CMTM8: variants seen among roughly 807,000 people sequenced by gnomAD.
CMTM8 encodes the protein CKLF-like MARVEL transmembrane domain-containing protein 8.
Under a neutral mutation model 18.6 loss-of-function variants are expected in CMTM8, and 12 were observed. The observed-to-expected ratio is 0.65, with a 90% confidence interval of 0.41 to 1.05. The LOEUF is 1.05. Among genes scored for constraint, CMTM8 ranks in the 50% least tolerant of loss-of-function variants. The pLI, the probability that CMTM8 is intolerant of heterozygous loss-of-function variation, is 0.00. For missense variants in CMTM8, 217 were observed against 227.2 expected, an observed-to-expected ratio of 0.95 and a Z score of 0.29; for synonymous variants, 87 against 90.6, an observed-to-expected ratio of 0.96 and a Z score of 0.23.
chr3:32,276,376 T>G (rs992288843), intron 1 of CMTM8, among the ~76,000 whole-genome samples: 1 of 152,160 alleles, frequency 6.6e-6, no homozygotes, highest in African/African-American at 2.4e-5. Flanking sequence ...ACATGATTGT[T>G]TTTATTCTCA....
At position 32,250,237 on chromosome 3, in the gene CMTM8, A is replaced by G. The variant is rs553917939; in HGVS notation, c.147+11118A>G. On this transcript the variant is annotated intron_variant, in intron 1 of 3. Transcript: ENST00000307526. The stretch of plus-strand genomic sequence containing the variant: ...TTATATTTGATTGATGCACATCTCT[A>G]CTCTTATGCCAGTACCATGCTGTAT... Among the ~76,000 whole-genome samples, 3 of 152,206 alleles carry G rather than the reference A, an allele frequency of 2.0e-5. No individual in the cohort carries two copies. The South Asian group carries it at 6.2e-4, about 32-fold the overall frequency.
intron 1 of CMTM8, among the ~76,000 whole-genome samples, chr3:32,240,126 G>A (rs896655430): frequency 2.6e-5 from 4 of 152,206 alleles, no homozygotes; most frequent in African/African-American, 9.7e-5. Context: ...TTAGAGAATG[G>A]GCACACCATC....
chr3:32,296,530 C>T (rs972354811), intron 1 of CMTM8, among the ~76,000 whole-genome samples: 11 of 152,308 alleles, frequency 7.2e-5, no homozygotes, highest in African/African-American at 2.4e-4. Flanking sequence ...TCTTGTTTCC[C>T]TTTGCCACTC....
intron 1 of CMTM8, among the ~76,000 whole-genome samples, chr3:32,313,043 A>G (rs1695850087): frequency 6.6e-6 from 1 of 152,146 alleles, no homozygotes. Context: ...ATATCTTATT[A>G]TATCACAGTA....
chr3:32,298,322 T>C (rs1290093108), intron 1 of CMTM8, among the ~76,000 whole-genome samples: 2 of 152,124 alleles, frequency 1.3e-5, no homozygotes, highest in African/African-American at 4.8e-5. Context: ...TCCACCCGCA[T>C]TGGCCTCCCT....
chr3:32,292,245 G>T (rs1453418239), intron 1 of CMTM8, among the ~76,000 whole-genome samples: 1 of 152,118 alleles, frequency 6.6e-6, no homozygotes, highest in Non-Finnish European at 1.5e-5. Context: ...CCTTCATCAT[G>T]CAGGGCAGTT....
At position 32,367,961 on chromosome 3, in the gene CMTM8, C is replaced by A; in HGVS notation, c.411C>A (p.His137Gln). The change falls in exon 3 of 4, where the codon CAC (histidine) becomes CAA (glutamine). Residue 137 changes from histidine to glutamine, a missense_variant. By Grantham distance (24) the His-to-Gln change is conservative. Coordinates refer to ENST00000307526, the MANE Select transcript of CMTM8 (RefSeq NM_178868.5). ...CCGTCTCCCCTGAGAGGGACAGTCACAACTTCAACAGCTGGGCGGCCTCAT... is the reference window on the plus strand; with the variant it reads ...CCGTCTCCCCTGAGAGGGACAGTCAAAACTTCAACAGCTGGGCGGCCTCAT... ...ASSVSPERDS[H>Q]NFNSWAASSF... The A allele has an allele frequency of 6.2e-7, 1 of 1,613,906 alleles. No homozygotes were observed. The highest frequency in any genetic ancestry group is 1.3e-5 in the African/African-American group (1 of 75,058).
At chr3:32,272,143 A>G (rs1358278254) in intron 1 of CMTM8, among the ~76,000 whole-genome samples, 2 of 152,214 alleles carry the variant, frequency 1.3e-5, no homozygotes, top group Non-Finnish European at 2.9e-5. Context: ...TGAAAGTATC[A>G]TTCTTCTATC....
intron 2 of CMTM8, among the ~76,000 whole-genome samples, chr3:32,359,929 C>T (rs1376496305): frequency 6.6e-6 from 1 of 152,164 alleles, no homozygotes; most frequent in African/African-American, 2.4e-5. Context: ...CCACATCTCT[C>T]GAATTCCATC....
At position 32,286,510 on chromosome 3, in the gene CMTM8, A is replaced by G. The variant is rs182478156; in HGVS notation, c.147+47391A>G. On this transcript the variant is annotated intron_variant, in intron 1 of 3. Coordinates refer to ENST00000307526, the MANE Select transcript of CMTM8 (RefSeq NM_178868.5). ...GTTCCCCACAAAACCAGATCTGTGC[A>G]ATGAGTTTCTCTCTGGGCTGGGAGG... is the stretch of plus-strand genomic sequence containing the variant. 1.2e-3 allele frequency among the ~76,000 whole-genome samples: 189 copies of G among 152,308 alleles called. 2 individuals carry two copies. Among genetic ancestry groups the G allele is most frequent in the Non-Finnish European group, 2.4e-4 (16 of 68,024 alleles).
chr3:32,298,642 A>T lies in CMTM8; in HGVS notation c.148-58731A>T, dbSNP rs191933219. ...GCTCCTTATCAGATTGCTGCTTTTT[A>T]AAAAAAATTTTGAGACAGGGTTTCA... On this transcript the variant is annotated intron_variant, in intron 1 of 3. Coordinates refer to ENST00000307526, the MANE Select transcript of CMTM8 (RefSeq NM_178868.5). Among the ~76,000 whole-genome samples the T allele has an allele frequency of 5.3e-3, 804 of 150,344 alleles. 7 individuals are homozygous for T. The highest frequency in any genetic ancestry group is 0.018 in the African/African-American group (751 of 41,004).
chr3:32,366,560 G>C (rs1369261408), intron 2 of CMTM8, among the ~76,000 whole-genome samples: 1 of 152,236 alleles, frequency 6.6e-6, no homozygotes, highest in Non-Finnish European at 1.5e-5. Flanking sequence ...GTTCGTTGCA[G>C]TAGCATTTGT....
chr3:32,284,246 C>A (rs751391647), intron 1 of CMTM8, among the ~76,000 whole-genome samples: 2 of 152,198 alleles, frequency 1.3e-5, no homozygotes, highest in Non-Finnish European at 2.9e-5. Context: ...GAGCGAGACT[C>A]CGTCTCAAAA....
chr3:32,324,894 A>T (rs1349405504), intron 1 of CMTM8, among the ~76,000 whole-genome samples: 1 of 152,266 alleles, frequency 6.6e-6, no homozygotes, highest in Non-Finnish European at 1.5e-5. Flanking sequence ...GAAAAGTAAC[A>T]TAAGGGGAGA....
rs539972240 is a variant in CMTM8 at position 32,260,039 on chromosome 3, A to G, written c.147+20920A>G. 1,057 of 1,144,504 alleles carry G rather than the reference A, an allele frequency of 9.2e-4. 2 individuals carry two copies. Among genetic ancestry groups the G allele is most frequent in the Middle Eastern group, 2.0e-3 (7 of 3,586 alleles). The allele number at this position is 1,144,504 out of a possible 1,614,324, so 70.9% of individuals were successfully genotyped here. A position where few individuals can be genotyped will look rare whatever the true frequency, so the allele number is the denominator to read the frequency against. ...GGCCCAGGAGTACAAGGCCCTGCTG[A>G]ACATCAAGGTCAAGCTGGAGGCTGA... On this transcript the variant is annotated intron_variant, in intron 1 of 3. Transcript: ENST00000307526.
At chr3:32,273,129 A>ATTGTGTGTG (rs138455459) in intron 1 of CMTM8, among the ~76,000 whole-genome samples, 1 of 142,930 alleles carries the variant, frequency 7.0e-6, no homozygotes, top group Non-Finnish European at 1.5e-5. Flanking sequence ...ATTGGAACAA[A>ATTGTGTGTG]TGTGTGTGTG....
intron 1 of CMTM8, among the ~76,000 whole-genome samples, chr3:32,280,846 C>CAAAAAAAAAAAAAAAAAAAAAAAA (rs60845487): frequency 2.9e-5 from 2 of 68,172 alleles, no homozygotes; most frequent in African/African-American, 6.2e-5. Context: ...AGAAAATAGG[C>CAAAAAAAAAAAAAAAAAAAAAAAA]AAAAAAAAAA....
intron 1 of CMTM8, among the ~76,000 whole-genome samples, chr3:32,305,565 A>G (rs113090307): frequency 1.3e-5 from 2 of 152,224 alleles, no homozygotes; most frequent in Non-Finnish European, 2.9e-5. Context: ...TCACAAAACT[A>G]TGGTAAATAC....
At chr3:32,257,806 T>C (rs1212721135) in intron 1 of CMTM8, among the ~76,000 whole-genome samples, 3 of 152,154 alleles carry the variant, frequency 2.0e-5, no homozygotes, top group Non-Finnish European at 4.4e-5. Context: ...ATGAGATGAC[T>C]GGAGACTGTT....
Sources: allele counts gnomAD v4.1 joint callset (sites outside exome capture counted in the v4.1 genomes callset), GRCh38; gene constraint gnomAD v4.1.1; transcripts MANE v1.5; gene names NCBI Gene and HGNC (gene_info 2026-07-23, HGNC 2026-07-21).